Variants in CRTAC1 observed in about 807,000 individuals in gnomAD.
The protein encoded by CRTAC1 is cartilage acidic protein 1.
Under a neutral mutation model 67.8 loss-of-function variants are expected in CRTAC1, and 37 were observed. The ratio of observed to expected loss-of-function variants is 0.55; its 90% confidence interval spans 0.42 to 0.72. CRTAC1 has a LOEUF of 0.72. CRTAC1 is among the 30% of genes least tolerant of loss of function. The probability of loss-of-function intolerance (pLI) is 0.00; values close to 1 mark genes in which losing one functional copy is unlikely to be tolerated. For synonymous variants in CRTAC1, 348 were observed against 371.0 expected, an observed-to-expected ratio of 0.94 and a Z score of 0.71; for missense variants, 780 against 931.6, an observed-to-expected ratio of 0.84 and a Z score of 2.12.
At chr10:97,967,314 T>A (rs1259091001) in intron 2 of CRTAC1, among the ~76,000 whole-genome samples, 1 of 152,216 alleles carries the variant, frequency 6.6e-6, no homozygotes, top group African/African-American at 2.4e-5. Flanking sequence ...CTTTGATTCA[T>A]CCCATCATGG....
In CRTAC1 at chr10:97,916,251, C is replaced by T. The variant is rs2050757483; in HGVS notation, c.715+1249G>A. Among the ~76,000 whole-genome samples, 3 of 152,042 alleles carry T rather than the reference C, an allele frequency of 2.0e-5. No individual in the cohort carries two copies. In the South Asian group the frequency reaches 6.2e-4, roughly 31 times the overall value. ...AACTATGCAGAAAAAATTGACTGTACAAATCTAGGCTGAAGCGCCTGCATG... is the reference window on the plus strand; with the variant it reads ...AACTATGCAGAAAAAATTGACTGTATAAATCTAGGCTGAAGCGCCTGCATG... On this transcript the variant is annotated intron_variant, in intron 5 of 14. Coordinates refer to ENST00000370597, the MANE Select transcript of CRTAC1 (RefSeq NM_018058.7).
intron 14 of CRTAC1, chr10:97,879,927 A>G (rs1183001280): frequency 1.8e-5 from 15 of 854,572 alleles, no homozygotes; most frequent in Non-Finnish European, 2.7e-5. Flanking sequence ...GCCAAAGATG[A>G]GTAGTAGGAG....
chr10:97,925,959 G>T (rs1187373027), intron 3 of CRTAC1, among the ~76,000 whole-genome samples: 1 of 152,168 alleles, frequency 6.6e-6, no homozygotes, highest in Non-Finnish European at 1.5e-5. Flanking sequence ...GAGACCACAG[G>T]ACCCACAGGA....
At chr10:97,869,045 A>C (rs1013320747) in intron 14 of CRTAC1, 14 of 152,242 alleles carry the variant, frequency 9.2e-5, no homozygotes, top group African/African-American at 3.4e-4. Context: ...CTTGGCTTTG[A>C]ATCTAGGCAA....
rs186959818 is a variant in CRTAC1 at position 97,907,632 on chromosome 10, A to G, written c.850+381T>C. Among the ~76,000 whole-genome samples, 37 of 152,230 alleles carry G rather than the reference A, an allele frequency of 2.4e-4. 1 individual carries two copies. The East Asian group carries it at 6.4e-3, about 26-fold the overall frequency. ...CTGACACTTAGTAGGGGCTCCATGA[A>G]TGCTCACTGTATTGAACTGAATGTT... is the stretch of plus-strand genomic sequence containing the variant. On this transcript the variant is annotated intron_variant, in intron 6 of 14. Transcript: ENST00000370597.
At chr10:97,998,389 C>T (rs958575885) in intron 2 of CRTAC1, among the ~76,000 whole-genome samples, 4 of 151,686 alleles carry the variant, frequency 2.6e-5, no homozygotes, top group Non-Finnish European at 5.9e-5. Flanking sequence ...TCCATATACA[C>T]GATAGTAAAA....
intron 6 of CRTAC1, among the ~76,000 whole-genome samples, chr10:97,907,088 A>G (rs1453828600): frequency 6.6e-6 from 1 of 152,200 alleles, no homozygotes; most frequent in Non-Finnish European, 1.5e-5. Flanking sequence ...ACTCGCAGGA[A>G]GTGTCCACTC....
chr10:97,950,235 A>G (rs2051329480), intron 2 of CRTAC1, among the ~76,000 whole-genome samples: 1 of 78,852 alleles, frequency 1.3e-5, no homozygotes, highest in African/African-American at 5.0e-5. Flanking sequence ...ATGTACGTGC[A>G]CACACACACA....
intron 2 of CRTAC1, among the ~76,000 whole-genome samples, chr10:97,968,869 C>T (rs769924162): frequency 4.1e-4 from 63 of 152,142 alleles, no homozygotes; most frequent in Non-Finnish European, 8.2e-4. Flanking sequence ...AAATGCAGAC[C>T]GTGGGTCCTA....
intron 1 of CRTAC1, among the ~76,000 whole-genome samples, chr10:98,026,653 A>T (rs1843239112): frequency 6.6e-6 from 1 of 152,106 alleles, no homozygotes; most frequent in Non-Finnish European, 1.5e-5. Context: ...GCTGAAGATG[A>T]AGCTCCAACT....
At chr10:97,936,984 A>G (rs1392616000) in intron 2 of CRTAC1, among the ~76,000 whole-genome samples, 1 of 152,122 alleles carries the variant, frequency 6.6e-6, no homozygotes, top group Non-Finnish European at 1.5e-5. Context: ...TTTGTTGTTG[A>G]GGTTTGAACA....
At chr10:98,028,233 A>G (rs1441330852) in intron 1 of CRTAC1, among the ~76,000 whole-genome samples, 6 of 152,218 alleles carry the variant, frequency 3.9e-5, no homozygotes. Context: ...AGCATGTGGT[A>G]GAAGGATTCC....
At chr10:97,929,879 G>T (rs755942088) in intron 3 of CRTAC1, among the ~76,000 whole-genome samples, 11 of 152,196 alleles carry the variant, frequency 7.2e-5, no homozygotes, top group Non-Finnish European at 1.5e-4. Flanking sequence ...ATAAGACTTC[G>T]TCAATGGAAA....
chr10:97,961,010 T>C (rs2051516881), intron 2 of CRTAC1, among the ~76,000 whole-genome samples: 2 of 152,228 alleles, frequency 1.3e-5, no homozygotes, highest in African/African-American at 4.8e-5. Flanking sequence ...ATAATTTTCC[T>C]GTTCTCTTCC....
At chr10:97,884,467 A>C in intron 11 of CRTAC1, 116 bp from the exon 12 acceptor site, 7 of 973,352 alleles carry the variant, frequency 7.2e-6, no homozygotes, top group Non-Finnish European at 9.2e-6. Flanking sequence ...GCACTGTTCT[A>C]AGTGCTAGGG....
At chr10:97,974,275 A>T (rs557440740) in intron 2 of CRTAC1, among the ~76,000 whole-genome samples, 1 of 152,302 alleles carries the variant, frequency 6.6e-6, no homozygotes, top group African/African-American at 2.4e-5. Flanking sequence ...GACTGGGTAC[A>T]GCGAAGCTGC....
chr10:97,892,141 C>A (rs547852246), intron 11 of CRTAC1, among the ~76,000 whole-genome samples: 1 of 152,178 alleles, frequency 6.6e-6, no homozygotes, highest in Non-Finnish European at 1.5e-5. Flanking sequence ...GCTCTTGAGC[C>A]TCCTTCTCCC....
chr10:97,890,130 T>C (rs1434551516), intron 11 of CRTAC1, among the ~76,000 whole-genome samples: 1 of 145,008 alleles, frequency 6.9e-6, no homozygotes, highest in African/African-American at 2.5e-5. Context: ...CTCACACGTG[T>C]ATGTAAGACA....
chr10:97,950,269 A>AGG (rs1418960338), intron 2 of CRTAC1, among the ~76,000 whole-genome samples: 1 of 151,686 alleles, frequency 6.6e-6, no homozygotes, highest in East Asian at 1.9e-4. Context: ...AGAGAGAGAG[A>AGG]GAGAGAGAGA....
Sources: allele counts gnomAD v4.1 joint callset (sites outside exome capture counted in the v4.1 genomes callset), GRCh38; gene constraint gnomAD v4.1.1; transcripts MANE v1.5; gene names NCBI Gene and HGNC (gene_info 2026-07-23, HGNC 2026-07-21).